The following CDKAL1 variants were observed in gnomAD, a reference collection of about 807,000 sequenced individuals.
The protein encoded by CDKAL1 is CDKAL1 threonylcarbamoyladenosine tRNA methylthiotransferase, also known as threonylcarbamoyladenosine tRNA methylthiotransferase.
A neutral mutation model predicts 68.2 loss-of-function variants in CDKAL1; 32 were observed. The observed-to-expected ratio is 0.47, with a 90% CI of 0.35 to 0.63. CDKAL1 has a LOEUF of 0.63. Among genes scored for constraint, CDKAL1 ranks in the 30% least tolerant of loss-of-function variants. The pLI is 0.00. For synonymous variants in CDKAL1, 234 were observed against 244.3 expected (o/e 0.96, Z 0.39); for missense variants, 606 against 696.7 (o/e 0.87, Z 1.47).
intron 12 of CDKAL1, among the ~76,000 whole-genome samples, chr6:21,068,436 G>GT (rs112157640): frequency 0.011 from 1,711 of 152,094 alleles, 34 homozygotes; most frequent in African/African-American, 0.038. Context: ...TTTGTTTTGG[G>GT]TTTTTTTGCC....
At chr6:21,020,761 C>T (rs1768609944) in intron 11 of CDKAL1, among the ~76,000 whole-genome samples, 1 of 148,582 alleles carries the variant, frequency 6.7e-6, no homozygotes, top group Admixed American at 6.7e-5. Context: ...GCCACCGTGC[C>T]TGGCCTTTTT....
chr6:20,590,350 T>C (rs933965383), intron 4 of CDKAL1, among the ~76,000 whole-genome samples: 2 of 152,178 alleles, frequency 1.3e-5, no homozygotes, highest in Non-Finnish European at 2.9e-5. Flanking sequence ...TTTTTGTTTT[T>C]ATTTTTTATT....
chr6:20,827,595 A>G (rs1364048851), intron 8 of CDKAL1, among the ~76,000 whole-genome samples: 4 of 152,082 alleles, frequency 2.6e-5, no homozygotes, highest in Non-Finnish European at 2.9e-5. Context: ...TTACAAAGTG[A>G]TGTTTTAGAC....
rs553198554 is a variant in CDKAL1, at chr6:21,176,105, G to A, written c.1300-21916G>A. 2.5e-4 allele frequency among the ~76,000 whole-genome samples: 38 copies of A among 152,298 alleles called. No individual in the cohort carries two copies. In the Middle Eastern group the frequency reaches 0.01, roughly 41 times the overall value. ...TTGAGTATTGAACTGGCTAATATTT[G>A]TAAATTGCTTACTATAGTTATTTGT... On this transcript the variant is annotated intron_variant, in intron 13 of 15. Transcript: ENST00000274695.
At chr6:21,081,838 A>G (rs543502894) in intron 12 of CDKAL1, among the ~76,000 whole-genome samples, 19 of 152,172 alleles carry the variant, frequency 1.2e-4, no homozygotes, top group African/African-American at 4.6e-4. Context: ...TCAGCCTCCC[A>G]AAGTGCTAGG....
At chr6:21,095,885 G>A (rs1773289871) in intron 12 of CDKAL1, among the ~76,000 whole-genome samples, 1 of 152,132 alleles carries the variant, frequency 6.6e-6, no homozygotes, top group Non-Finnish European at 1.5e-5. Context: ...GTCTATTTTT[G>A]ACATAGTACT....
At chr6:20,588,872 A>G (rs756328942) in intron 4 of CDKAL1, among the ~76,000 whole-genome samples, 4 of 152,152 alleles carry the variant, frequency 2.6e-5, no homozygotes, top group Non-Finnish European at 1.5e-5. Context: ...AAATTAATCA[A>G]TATGTCTCCA....
rs564560361 is a variant in CDKAL1 at position 21,051,147 on chromosome 6, G to A, written c.1056-13901G>A. ...ACACTGTCTGGATCACTTGAGCTCA[G>A]GAATTCAGGACAAGCTTGAGCAATG... On this transcript the variant is annotated intron_variant, in intron 11 of 15. Coordinates refer to ENST00000274695, the MANE Select transcript of CDKAL1 (RefSeq NM_017774.3). 8.6e-4 allele frequency among the ~76,000 whole-genome samples: 131 copies of A among 152,264 alleles called. 1 individual carries two copies. The highest frequency in any genetic ancestry group is 3.0e-3 in the African/African-American group (126 of 41,554).
At chr6:21,160,969 C>A (rs1016256626) in intron 13 of CDKAL1, among the ~76,000 whole-genome samples, 7 of 149,814 alleles carry the variant, frequency 4.7e-5, no homozygotes, top group African/African-American at 1.5e-4. Flanking sequence ...AGAATAGATC[C>A]TGGAAGATTA....
intron 9 of CDKAL1, among the ~76,000 whole-genome samples, chr6:20,854,882 A>T (rs1190945346): frequency 1.3e-5 from 2 of 152,234 alleles, no homozygotes; most frequent in African/African-American, 4.8e-5. Context: ...ATAAGAATAG[A>T]AAGTCCAAAA....
intron 12 of CDKAL1, among the ~76,000 whole-genome samples, chr6:21,065,639 G>T: frequency 7.2e-6 from 1 of 139,770 alleles, no homozygotes; most frequent in Non-Finnish European, 1.5e-5. Context: ...TAGTTTTGCT[G>T]CTTTTCTATT....
intron 11 of CDKAL1, among the ~76,000 whole-genome samples, chr6:21,007,482 C>CA (rs147527333): frequency 0.048 from 4,016 of 84,480 alleles, 367 homozygotes; most frequent in Middle Eastern, 0.075. Flanking sequence ...GACCCTGTCT[C>CA]AAAAAAAAAA....
At chr6:20,784,031 G>C (rs1775548132) in intron 8 of CDKAL1, among the ~76,000 whole-genome samples, 1 of 152,010 alleles carries the variant, frequency 6.6e-6, no homozygotes, top group Admixed American at 6.6e-5. Flanking sequence ...TGGCCAACAA[G>C]GTGAAACCCC....
rs1412731799 is a variant in CDKAL1, at chr6:20,957,997, C to A, written c.909+2412C>A. ...AAAAAAAAAAAAAAAAAAGGAAGAG[C>A]CTTCTTCATAAAATAAATTATAGAG... On this transcript the variant is annotated intron_variant, in intron 10 of 15. Transcript: ENST00000274695. Among the ~76,000 whole-genome samples, 7 of 148,776 alleles carry A rather than the reference C, an allele frequency of 4.7e-5. No homozygotes were observed. The South Asian group carries it at 1.3e-3, about 27-fold the overall frequency.
chr6:20,905,612 G>A (rs1187411366), intron 9 of CDKAL1, among the ~76,000 whole-genome samples: 1 of 152,136 alleles, frequency 6.6e-6, no homozygotes, highest in East Asian at 1.9e-4. Flanking sequence ...TGAGTAGGAT[G>A]AACTCAGAGA....
chr6:21,000,655 G>T (rs187837556), intron 11 of CDKAL1, among the ~76,000 whole-genome samples: 1 of 152,260 alleles, frequency 6.6e-6, no homozygotes, highest in East Asian at 1.9e-4. Flanking sequence ...ACCTGACCTG[G>T]TGGATGAAAA....
intron 11 of CDKAL1, among the ~76,000 whole-genome samples, chr6:21,060,133 G>C (rs1165068381): frequency 6.6e-6 from 1 of 152,032 alleles, no homozygotes; most frequent in Non-Finnish European, 1.5e-5. Context: ...TTAAATGTTT[G>C]GTAGAATTCA....
At chr6:20,682,311 C>T (rs935404963) in intron 5 of CDKAL1, among the ~76,000 whole-genome samples, 1 of 152,180 alleles carries the variant, frequency 6.6e-6, no homozygotes, top group African/African-American at 2.4e-5. Flanking sequence ...TTCCCTCTTG[C>T]AGTCTTCCTT....
chr6:20,697,471 T>A (rs189994164), intron 5 of CDKAL1, among the ~76,000 whole-genome samples: 21 of 152,332 alleles, frequency 1.4e-4, no homozygotes, highest in South Asian at 4.1e-4. Context: ...ATACATTGTA[T>A]AATTTAAGCA....
Sources: gnomAD v4.1 joint callset for allele counts (sites outside exome capture counted in the v4.1 genomes callset) on GRCh38, gnomAD v4.1.1 for gene constraint, MANE v1.5 for transcripts, NCBI Gene and HGNC (gene_info 2026-07-23, HGNC 2026-07-21) for gene names.